Variants in ADGRL3 observed in about 807,000 individuals in gnomAD.
The protein encoded by ADGRL3 is adhesion G protein-coupled receptor L3.
A neutral mutation model predicts 153.5 loss-of-function variants in ADGRL3; 62 were observed. That is an observed-to-expected ratio of 0.40 (90% CI 0.33 to 0.50). The LOEUF (loss-of-function observed/expected upper bound fraction) is 0.50. Ranked by LOEUF, ADGRL3 falls within the 20% of genes least tolerant of loss-of-function variation. ADGRL3 has a pLI of 0.47. For synonymous variants in ADGRL3, 710 were observed against 672.5 expected, an observed-to-expected ratio of 1.06 and a Z score of -0.86; for missense variants, 1,641 against 1,859.4, an observed-to-expected ratio of 0.88 and a Z score of 2.16.
intron 4 of ADGRL3, among the ~76,000 whole-genome samples, chr4:61,539,856 C>CT (rs1459645924): frequency 6.6e-6 from 1 of 152,162 alleles, no homozygotes; most frequent in Non-Finnish European, 1.5e-5. Flanking sequence ...AGGGGACTGT[C>CT]TCTGCCAGAG....
At chr4:61,437,233 A>G (rs1344474329) in intron 2 of ADGRL3, among the ~76,000 whole-genome samples, 2 of 152,210 alleles carry the variant, frequency 1.3e-5, no homozygotes, top group Non-Finnish European at 2.9e-5. Context: ...AACGCTTTGG[A>G]AAGTTGATTA....
intron 8 of ADGRL3, among the ~76,000 whole-genome samples, chr4:61,784,816 G>T (rs966322089): frequency 1.3e-5 from 2 of 152,000 alleles, no homozygotes; most frequent in Admixed American, 6.6e-5. Flanking sequence ...AAAGATGAGG[G>T]TATTTAGCTA....
chr4:61,828,430 G>A (rs1274750978), intron 9 of ADGRL3, among the ~76,000 whole-genome samples: 2 of 152,062 alleles, frequency 1.3e-5, no homozygotes, highest in African/African-American at 4.8e-5. Context: ...CGGGGGATGG[G>A]GTGGTGGATG....
intron 5 of ADGRL3, among the ~76,000 whole-genome samples, chr4:61,666,111 C>T (rs867824988): frequency 3.9e-5 from 6 of 152,088 alleles, no homozygotes; most frequent in Non-Finnish European, 8.8e-5. Context: ...TGTTTTGGTA[C>T]TTTTTTCTTT....
intron 8 of ADGRL3, chr4:61,775,754 G>A (rs980486576): frequency 1.1e-5 from 10 of 879,094 alleles, no homozygotes; most frequent in Middle Eastern, 3.3e-4. Context: ...TGAATTCCAC[G>A]TGCTAGGCAA....
At chr4:61,908,608 CA>C (rs5858741) in intron 11 of ADGRL3, among the ~76,000 whole-genome samples, 4,391 of 89,660 alleles carry the variant, frequency 0.049, 138 homozygotes, top group East Asian at 0.22. Context: ...AACAACGCCT[CA>C]AAAAAAAAAA....
intron 5 of ADGRL3, among the ~76,000 whole-genome samples, chr4:61,650,962 A>C (rs2094222702): frequency 6.6e-6 from 1 of 152,158 alleles, no homozygotes; most frequent in African/African-American, 2.4e-5. Context: ...TTGTTGTTGG[A>C]CAAAAATAAA....
chr4:61,470,661 A>G (rs1272611534), intron 2 of ADGRL3, among the ~76,000 whole-genome samples: 1 of 151,952 alleles, frequency 6.6e-6, no homozygotes, highest in Admixed American at 6.6e-5. Flanking sequence ...ACCAAATTAA[A>G]GAAATGCTGG....
intron 8 of ADGRL3, among the ~76,000 whole-genome samples, chr4:61,807,335 CT>C (rs57297844): frequency 0.93 from 138,519 of 148,776 alleles, 64,476 homozygotes; most frequent in South Asian, 0.95. Context: ...TTTTTTTTAA[CT>C]TTTTTTTTTT....
chr4:61,222,420 TAAC>T (rs559006651), intron 1 of ADGRL3, among the ~76,000 whole-genome samples: 63 of 152,216 alleles, frequency 4.1e-4, no homozygotes, highest in African/African-American at 1.3e-3. Flanking sequence ...CACAAAGAAA[TAAC>T]AAGCAATATT....
intron 5 of ADGRL3, among the ~76,000 whole-genome samples, chr4:61,634,346 C>T (rs1036799130): frequency 2.0e-5 from 3 of 152,008 alleles, no homozygotes; most frequent in South Asian, 2.1e-4. Context: ...GTCAGAGTAC[C>T]GTGGCTTAAA....
chr4:61,796,533 A>C (rs1159887646), intron 8 of ADGRL3, among the ~76,000 whole-genome samples: 2 of 152,190 alleles, frequency 1.3e-5, no homozygotes, highest in Non-Finnish European at 2.9e-5. Flanking sequence ...AGGGTTGGAG[A>C]ATCACTGGCT....
intron 8 of ADGRL3, among the ~76,000 whole-genome samples, chr4:61,751,520 T>G (rs2096756362): frequency 6.6e-6 from 1 of 152,138 alleles, no homozygotes; most frequent in South Asian, 2.1e-4. Context: ...TACTTTGTGC[T>G]TTCAGTAGAA....
chr4:61,732,951 A>G lies in ADGRL3; in HGVS notation c.796A>G (p.Thr266Ala). ...KDDFIAGRPT[T>A]TYKLPHRVDG... Reference sequence around the variant, plus strand: ...TGACTTCATTGCTGGAAGACCAACTACAACCTACAAGCTCCCTCACAGGGT... The same window carrying G: ...TGACTTCATTGCTGGAAGACCAACTGCAACCTACAAGCTCCCTCACAGGGT... The change falls in exon 8 of 27, where the codon ACA (threonine) becomes GCA (alanine). Residue 266 changes from threonine to alanine, a missense_variant. Physicochemically the swap from Thr to Ala is moderately conservative, Grantham distance 58. Around this residue, in one of 5 missense-constraint regions of ADGRL3, gnomAD observed 213 missense variants for 362.1 expected, o/e 0.59. Transcript: ENST00000683033. The G allele has an allele frequency of 6.2e-7, 1 of 1,613,728 alleles. No individual in the cohort carries two copies. Among genetic ancestry groups the G allele is most frequent in the Non-Finnish European group, 8.5e-7 (1 of 1,179,806 alleles).
intron 4 of ADGRL3, among the ~76,000 whole-genome samples, chr4:61,521,657 T>C (rs1228487832): frequency 6.6e-6 from 1 of 152,102 alleles, no homozygotes; most frequent in Non-Finnish European, 1.5e-5. Flanking sequence ...AGGACTTAGA[T>C]ATTCATTGCA....
chr4:61,853,055 T>C (rs2098225751), intron 9 of ADGRL3, among the ~76,000 whole-genome samples: 1 of 151,992 alleles, frequency 6.6e-6, no homozygotes, highest in Non-Finnish European at 1.5e-5. Flanking sequence ...TCTCGCTCTG[T>C]CACCCAGGCT....
chr4:61,484,851 A>G lies in ADGRL3; in HGVS notation c.-173-12270A>G, dbSNP rs991130166. Among the ~76,000 whole-genome samples, 68 of 152,158 alleles carry G rather than the reference A, an allele frequency of 4.5e-4. 2 individuals are homozygous for G. Among genetic ancestry groups the G allele is most frequent in the Non-Finnish European group, 1.5e-4 (10 of 68,024 alleles). ...TTTAAAAGTTAGCTTTTGTAAAACC[A>G]CCTATTACATAATTTGGTAGGTACG... On this transcript the variant is annotated intron_variant, in intron 2 of 26. Transcript: ENST00000683033.
At chr4:61,235,845 C>G (rs1251223916) in intron 1 of ADGRL3, among the ~76,000 whole-genome samples, 1 of 152,032 alleles carries the variant, frequency 6.6e-6, no homozygotes, top group Non-Finnish European at 1.5e-5. Context: ...GGTGGGACCC[C>G]TAATATCCTG....
In ADGRL3 at chr4:61,970,446, A is replaced by G. The variant is rs1052848972; in HGVS notation, c.2806-9117A>G. The stretch of plus-strand genomic sequence containing the variant: ...TCGTTATGGTAGTTGCAAATCTGGT[A>G]CAACAAATGTAGTTTTGTTTAGTTT... On this transcript the variant is annotated intron_variant, in intron 17 of 26. Coordinates refer to ENST00000683033, the MANE Select transcript of ADGRL3 (RefSeq NM_001387552.1). 2.6e-5 allele frequency among the ~76,000 whole-genome samples: 4 copies of G among 152,248 alleles called. No individual in the cohort carries two copies. The South Asian group carries it at 8.3e-4, about 32-fold the overall frequency.
Sources: gnomAD v4.1 joint callset for allele counts (sites outside exome capture counted in the v4.1 genomes callset) on GRCh38, gnomAD v4.1.1 for gene constraint, gnomAD v4.1.1 regional missense constraint, MANE v1.5 for transcripts, NCBI Gene and HGNC (gene_info 2026-07-23, HGNC 2026-07-21) for gene names.